The following LRRC43 variants were observed in gnomAD, a reference collection of about 807,000 sequenced individuals.
LRRC43 encodes leucine rich repeat containing 43.
In LRRC43, 62 loss-of-function variants were observed where a neutral mutation model predicts 64.3. The observed-to-expected ratio is 0.96, with a 90% CI of 0.79 to 1.19. The LOEUF is 1.19. Ranked by LOEUF, LRRC43 falls within the 50% of genes most tolerant of loss-of-function variation. The pLI, the probability that LRRC43 is intolerant of heterozygous loss-of-function variation, is 0.00. For synonymous variants in LRRC43, 422 were observed against 382.3 expected (o/e 1.10, Z -1.21); for missense variants, 868 against 845.0 (o/e 1.03, Z -0.34).
chr12:122,184,453 TGA>T lies in LRRC43; in HGVS notation c.151-62_151-61del. 2 of 1,558,292 alleles carry T rather than the reference TGA, an allele frequency of 1.3e-6. No homozygotes were observed. ...TCCAGTTTTATGATCTGTTCTGTTT[TGA>T]GAGTTTGGTGTCCTTAAGGGGGCTG... On this transcript the variant is annotated intron_variant, in intron 1 of 11. Transcript: ENST00000339777. The surrounding 1 kb of genome is among the most constrained non-coding windows in gnomAD (Gnocchi z 4.0).
chr12:122,171,951 A>C (rs1243530477), intron 1 of LRRC43: 1 of 160,230 alleles, frequency 6.2e-6, no homozygotes, highest in Non-Finnish European at 1.4e-5. Flanking sequence ...GAGCATGTCC[A>C]TCTGCCCTCT....
chr12:122,172,837 G>T, intron 1 of LRRC43: 2 of 928,088 alleles, frequency 2.2e-6, no homozygotes, highest in Non-Finnish European at 3.3e-6. Flanking sequence ...AACCCGCCTC[G>T]TTGATATATT....
In LRRC43 at chr12:122,187,776, T is replaced by G. The variant is rs1293075124; in HGVS notation, c.598T>G (p.Leu200Val). Residue 200 changes from leucine to valine, a missense_variant, in exon 4 of 12, where the codon TTG (leucine) becomes GTG (valine). Coordinates refer to ENST00000339777, the MANE Select transcript of LRRC43 (RefSeq NM_001098519.2). ...CCACCCACCCGCCGGCCTGCAGCACTTGGGGTTAGGCCACAACAAACTTCT... is the reference window on the plus strand; with the variant it reads ...CCACCCACCCGCCGGCCTGCAGCACGTGGGGTTAGGCCACAACAAACTTCT... ...CAHPPAGLQH[L>V]GLGHNKLLGP... 5.0e-6 allele frequency: 8 copies of G among 1,614,118 alleles called. No individual in the cohort carries two copies. The East Asian group carries it at 1.8e-4, about 36-fold the overall frequency.
chr12:122,191,630 G>T, intron 6 of LRRC43, 63 bp downstream of exon 6: 2 of 1,289,834 alleles, frequency 1.6e-6, no homozygotes, highest in South Asian at 3.0e-5. Flanking sequence ...TGCTTTGTGG[G>T]CCCCAGGAAA....
Position 122,203,465 on chromosome 12 carries a change from C to A in LRRC43, c.*23C>A. ...TAGGGCGTGGGCAGTAAAGGCTGTT[C>A]CCAGCACTCCCGCCTCCGCTTCTGT... On this transcript the variant is annotated 3_prime_UTR_variant, in exon 12 of 12. Coordinates refer to ENST00000339777, the MANE Select transcript of LRRC43 (RefSeq NM_001098519.2). 6.3e-7 allele frequency: 1 copy of A among 1,585,126 alleles called. No individual in the cohort carries two copies. Among genetic ancestry groups the A allele is most frequent in the South Asian group, 1.1e-5 (1 of 89,536 alleles).
rs1593149141 is a variant in LRRC43, at chr12:122,190,262, C to A, written c.795C>A (p.Tyr265Ter). The change falls in exon 5 of 12, where the codon TAC becomes TAA. Residue 265 changes from tyrosine (Y) to a stop codon, truncating the protein, a stop_gained. Transcript: ENST00000339777. LOFTEE classifies it high-confidence loss of function. ...GAAACCCACTGGCCTTGGTGCCCTA[C>A]TACCGCGGCCTCACCATCGACAGCC... ...LQGNPLALVP[Y>*]YRGLTIDSLA... 1 of 1,614,210 alleles carries A rather than the reference C, an allele frequency of 6.2e-7. No homozygotes were observed. The highest frequency in any genetic ancestry group is 2.2e-5 in the East Asian group (1 of 44,874).
At position 122,200,086 on chromosome 12, in the gene LRRC43, G is replaced by A. The variant is rs2136062794; in HGVS notation, c.1350-103G>A. On this transcript the variant is annotated intron_variant, in intron 7 of 11. Transcript: ENST00000339777. The surrounding 1 kb of genome is among the most constrained non-coding windows in gnomAD (Gnocchi z 4.6). Reference sequence around the variant, plus strand: ...ACGTCTCATGCTGTTTGTGGGCTTCGATGCTCGTGGTCTCCTCGGATGTCC... The same window carrying A: ...ACGTCTCATGCTGTTTGTGGGCTTCAATGCTCGTGGTCTCCTCGGATGTCC... 5.4e-6 allele frequency: 7 copies of A among 1,295,750 alleles called. No individual in the cohort carries two copies. Among genetic ancestry groups the A allele is most frequent in the South Asian group, 2.8e-5 (2 of 71,374 alleles). The allele number at this position is 1,295,750 out of a possible 1,614,324, so 80.3% of individuals were successfully genotyped here. A position where few individuals can be genotyped will look rare whatever the true frequency, so the allele number is the denominator to read the frequency against.
At chr12:122,189,067 T>C (rs558761150) in intron 4 of LRRC43, among the ~76,000 whole-genome samples, 1 of 152,236 alleles carries the variant, frequency 6.6e-6, no homozygotes, top group Non-Finnish European at 1.5e-5. Flanking sequence ...CAGCTCCCAG[T>C]TGATATTCAA....
chr12:122,177,476 AGTGT>A (rs67103998), intron 1 of LRRC43, among the ~76,000 whole-genome samples: 68,222 of 143,262 alleles, frequency 0.48, 16,529 homozygotes, highest in Middle Eastern at 0.57. Flanking sequence ...TGAGAGAGAA[AGTGT>A]GTGTGTGTGT....
In LRRC43 at chr12:122,201,317, G is replaced by A. The variant is rs754176092; in HGVS notation, c.1831G>A (p.Val611Ile). ...LARDSKKIKK[V>I]AKKEKPKAVI... is the part of the protein sequence containing the mutation. ...TCAGGATTCAAAGAAGATTAAGAAA[G>A]TTGCCAAAAAAGGTGAGTGCCGATG... Residue 611 changes from valine (V) to isoleucine (I), a missense_variant, in exon 11 of 12, where the codon GTT (valine) becomes ATT (isoleucine). Coordinates refer to ENST00000339777, the MANE Select transcript of LRRC43 (RefSeq NM_001098519.2). 3.1e-6 allele frequency: 5 copies of A among 1,614,150 alleles called. No homozygotes were observed. Among genetic ancestry groups the A allele is most frequent in the Non-Finnish European group, 4.2e-6 (5 of 1,179,980 alleles).
intron 1 of LRRC43, among the ~76,000 whole-genome samples, chr12:122,173,235 G>A (rs1010554056): frequency 6.6e-6 from 1 of 152,104 alleles, no homozygotes. Context: ...ATTGCCAGCA[G>A]CACCTCATCA....
Position 122,190,203 on chromosome 12 carries a change from ACCCTCCGG to A in LRRC43, c.738_745del (p.Leu247ProfsTer40). 4 of 1,613,720 alleles carry A rather than the reference ACCCTCCGG, an allele frequency of 2.5e-6. No homozygotes were observed. The highest frequency in any genetic ancestry group is 3.4e-6 in the Non-Finnish European group (4 of 1,179,944). On this transcript the variant is annotated frameshift_variant, in exon 5 of 12. Coordinates refer to ENST00000339777, the MANE Select transcript of LRRC43 (RefSeq NM_001098519.2). LOFTEE classifies it high-confidence loss of function. ...GCAGAGCATGGTCACCAGCCTGAGGACCCTCCGGCACCTGCGACTCCTGGTGCTGCAGG... is the reference window on the plus strand; with the variant it reads ...GCAGAGCATGGTCACCAGCCTGAGGACACCTGCGACTCCTGGTGCTGCAGG...
intron 5 of LRRC43, among the ~76,000 whole-genome samples, chr12:122,190,854 C>CA (rs756031424): frequency 0.25 from 32,879 of 131,658 alleles, 4,636 homozygotes; most frequent in East Asian, 0.71. Context: ...CAGAGCAAGA[C>CA]AAAAAAAAAA....
At position 122,196,456 on chromosome 12, in the gene LRRC43, A is replaced by C. The variant is rs187969082; in HGVS notation, c.1349+3452A>C. ...GCCAGGTATCGGGATTACAAACAACAAATCAGATGGAAAATGGTCTGTTCT... is the reference window on the plus strand; with the variant it reads ...GCCAGGTATCGGGATTACAAACAACCAATCAGATGGAAAATGGTCTGTTCT... On this transcript the variant is annotated intron_variant, in intron 7 of 11. Transcript: ENST00000339777. 1.7e-3 allele frequency among the ~76,000 whole-genome samples: 253 copies of C among 152,318 alleles called. 4 individuals carry two copies. Among genetic ancestry groups the C allele is most frequent in the African/African-American group, 5.5e-3 (229 of 41,568 alleles).
At chr12:122,196,400 T>A (rs745837344) in intron 7 of LRRC43, among the ~76,000 whole-genome samples, 3 of 152,222 alleles carry the variant, frequency 2.0e-5, no homozygotes, top group Admixed American at 6.5e-5. Context: ...ACGCCAGTCA[T>A]CCACATACCA....
chr12:122,180,056 C>A (rs1953569122), upstream of LRRC43, among the ~76,000 whole-genome samples: 1 of 150,994 alleles, frequency 6.6e-6, no homozygotes, highest in East Asian at 1.9e-4. Context: ...AGCAGTTTTT[C>A]AAGGAGGAAA....
rs895111510 is a variant in LRRC43, at chr12:122,189,952, G to A, written c.663-178G>A. 19 of 673,344 alleles carry A rather than the reference G, an allele frequency of 2.8e-5. No homozygotes were observed. The African/African-American group carries it at 3.4e-4, about 12-fold the overall frequency. 41.7% of individuals were successfully genotyped at this position (673,344 alleles called of 1,614,324 possible). A position where few individuals can be genotyped will look rare whatever the true frequency, so the allele number is the denominator to read the frequency against. ...TGGCAGTGCTACGGAGAGTGGAGAT[G>A]AAGAGCCAGGCACTCGTTCCCGACC... On this transcript the variant is annotated intron_variant, in intron 4 of 11. Transcript: ENST00000339777.
chr12:122,188,231 C>A (rs1021887618), intron 4 of LRRC43, among the ~76,000 whole-genome samples: 1 of 152,026 alleles, frequency 6.6e-6, no homozygotes, highest in Non-Finnish European at 1.5e-5. Context: ...CTCAGCCTCC[C>A]GAGTAGCTGG....
At chr12:122,189,474 G>A (rs1164803809) in intron 4 of LRRC43, 1 of 456,724 alleles carries the variant, frequency 2.2e-6, no homozygotes, top group East Asian at 6.9e-5. Flanking sequence ...TTTTTCTTCT[G>A]TTCTCAGAGC....
Sources: allele counts gnomAD v4.1 joint callset (sites outside exome capture counted in the v4.1 genomes callset), GRCh38; gene constraint gnomAD v4.1.1; non-coding constraint Gnocchi (gnomAD v3.1); transcripts MANE v1.5; gene names NCBI Gene and HGNC (gene_info 2026-07-23, HGNC 2026-07-21).